Variants in TRAF3IP1 observed in about 807,000 individuals in gnomAD.
TRAF3IP1 encodes TRAF3-interacting protein 1.
In TRAF3IP1, 53 loss-of-function variants were observed where a neutral mutation model predicts 89.9. The observed-to-expected ratio is 0.59, with a 90% confidence interval of 0.47 to 0.74. TRAF3IP1 has a LOEUF of 0.74. Ranked by LOEUF, TRAF3IP1 falls within the 30% of genes least tolerant of loss-of-function variation. TRAF3IP1 has a pLI of 0.00. For synonymous variants in TRAF3IP1, 311 were observed against 322.1 expected (o/e 0.97, Z 0.37); for missense variants, 806 against 866.1 (o/e 0.93, Z 0.87).
rs1332606241 is a variant in TRAF3IP1, at chr2:238,352,704, T to C, written c.1452-123T>C. On this transcript the variant is annotated intron_variant, in intron 12 of 16. Transcript: ENST00000373327. Reference sequence around the variant, plus strand: ...CTTAGCTTCAGCGGGTAGCTTGAGATGCTGTTCTAGCTAGAGATGGTTGGT... The same window carrying C: ...CTTAGCTTCAGCGGGTAGCTTGAGACGCTGTTCTAGCTAGAGATGGTTGGT... 5.2e-6 allele frequency: 5 copies of C among 956,344 alleles called. 1 individual carries two copies. In the South Asian group the frequency reaches 5.4e-5, roughly 10 times the overall value. The allele number at this position is 956,344 out of a possible 1,614,324, so 59.2% of individuals were successfully genotyped here.
At chr2:238,357,087 T>C (rs1699449532) in intron 15 of TRAF3IP1, among the ~76,000 whole-genome samples, 1 of 152,148 alleles carries the variant, frequency 6.6e-6, no homozygotes, top group African/African-American at 2.4e-5. Context: ...CGGGAATGTT[T>C]TTAAGTCTTT....
chr2:238,397,317 T>G, intron 15 of TRAF3IP1, 142 bp from the exon 16 acceptor site: 1 of 674,086 alleles, frequency 1.5e-6, no homozygotes, highest in East Asian at 2.6e-5. Flanking sequence ...TCCCTTTGCA[T>G]GGGAGTGAGT....
intron 8 of TRAF3IP1, among the ~76,000 whole-genome samples, chr2:238,342,785 T>C (rs1251864855): frequency 6.6e-6 from 1 of 152,216 alleles, no homozygotes; most frequent in Non-Finnish European, 1.5e-5. Flanking sequence ...TTTAAGTCAG[T>C]ATCATTTTCA....
chr2:238,333,982 C>G lies in TRAF3IP1; in HGVS notation c.1010C>G (p.Ser337Cys). The G allele has an allele frequency of 6.2e-7, 1 of 1,609,996 alleles. No individual in the cohort carries two copies. Among genetic ancestry groups the G allele is most frequent in the African/African-American group, 1.3e-5 (1 of 74,948 alleles). The change falls in exon 7 of 17, where the codon TCC (serine) becomes TGC (cysteine). Residue 337 changes from serine to cysteine, a missense_variant. By Grantham distance (112) the Ser-to-Cys change is moderately radical. This residue lies in a region of TRAF3IP1 where 732 missense variants were observed against 780.5 expected (regional missense o/e 0.94). Coordinates refer to ENST00000373327, the MANE Select transcript of TRAF3IP1 (RefSeq NM_015650.4). ...ETETEISTRA[S>C]KSLTTKTSKR... ...AAGACTGAGATTTCCACTAGAGCTT[C>G]CAAGTCATTGACAACAAAAACATCA...
chr2:238,326,108 TC>T, intron 3 of TRAF3IP1, 138 bp downstream of exon 3: 1 of 752,742 alleles, frequency 1.3e-6, no homozygotes, highest in Non-Finnish European at 2.1e-6. Context: ...TTGAATCTGA[TC>T]CCACCCCTTC....
chr2:238,328,995 G>A lies in TRAF3IP1; in HGVS notation c.568G>A (p.Glu190Lys). ...TCGAAAACAGAAGGAAGAATTGAAA[G>A]AAGACCGCAAGCCAAGAGAAAAGGA... The part of the protein sequence containing the change: ...RDRKQKEELK[E>K]DRKPREKDKD... Residue 190 changes from glutamate to lysine, a missense_variant, in exon 5 of 17, where the codon GAA becomes AAA. Transcript: ENST00000373327. The A allele has an allele frequency of 6.4e-7, 1 of 1,551,696 alleles. No homozygotes were observed. The highest frequency in any genetic ancestry group is 8.7e-7 in the Non-Finnish European group (1 of 1,147,290).
intron 15 of TRAF3IP1, among the ~76,000 whole-genome samples, chr2:238,386,543 C>T (rs1358185613): frequency 1.3e-5 from 2 of 152,110 alleles, no homozygotes; most frequent in Non-Finnish European, 2.9e-5. Context: ...GAACTCCTGA[C>T]CTCAGGTGAT....
At chr2:238,393,038 A>G (rs1478060708) in intron 15 of TRAF3IP1, among the ~76,000 whole-genome samples, 3 of 152,216 alleles carry the variant, frequency 2.0e-5, no homozygotes, top group Non-Finnish European at 2.9e-5. Flanking sequence ...ATAAACATGA[A>G]TTTTCATTTG....
At chr2:238,329,734 C>G (rs540757339) in intron 5 of TRAF3IP1, among the ~76,000 whole-genome samples, 1 of 152,274 alleles carries the variant, frequency 6.6e-6, no homozygotes, top group South Asian at 2.1e-4. Flanking sequence ...CACATAGCAG[C>G]TTTGCAGTAA....
At chr2:238,331,766 G>A (rs1198844338) in intron 5 of TRAF3IP1, among the ~76,000 whole-genome samples, 2 of 152,170 alleles carry the variant, frequency 1.3e-5, no homozygotes, top group Non-Finnish European at 2.9e-5. Flanking sequence ...GCAGGTGTGA[G>A]CTGCTGTGAG....
In TRAF3IP1 at chr2:238,397,479, G is replaced by A. The variant is rs532299269; in HGVS notation, c.1710G>A (p.Ser570=). 15 of 1,612,852 alleles carry A rather than the reference G, an allele frequency of 9.3e-6. No homozygotes were observed. Among genetic ancestry groups the A allele is most frequent in the East Asian group, 2.2e-5 (1 of 44,878 alleles). The change falls in exon 16 of 17, where the codon TCG becomes TCA. Residue 570 remains serine, a synonymous_variant. Coordinates refer to ENST00000373327, the MANE Select transcript of TRAF3IP1 (RefSeq NM_015650.4). ...TGTAGGAGCGATCTCTCTTTGAGTCGGCATGGAAGAAGGAGAAGGACATCG... is the reference window on the plus strand; with the variant it reads ...TGTAGGAGCGATCTCTCTTTGAGTCAGCATGGAAGAAGGAGAAGGACATCG... ...PGEKERSLFE[S]AWKKEKDIVS... is the part of the protein sequence containing the mutation.
At chr2:238,385,087 C>T (rs1311870257) in intron 15 of TRAF3IP1, among the ~76,000 whole-genome samples, 1 of 152,022 alleles carries the variant, frequency 6.6e-6, no homozygotes, top group Non-Finnish European at 1.5e-5. Flanking sequence ...GCGATCTCGG[C>T]TCACTGCAAT....
intron 15 of TRAF3IP1, among the ~76,000 whole-genome samples, chr2:238,377,230 CTT>C (rs71402784): frequency 4.4e-4 from 38 of 86,700 alleles, no homozygotes; most frequent in African/African-American, 1.7e-3. Context: ...TCCTGATTTT[CTT>C]TTTTTTTTTT....
rs974916934 is a variant in TRAF3IP1, at chr2:238,354,173, A to C, written c.1612+964A>C. Among the ~76,000 whole-genome samples the C allele has an allele frequency of 9.2e-5, 14 of 152,230 alleles. No homozygotes were observed. In the South Asian group the frequency reaches 2.7e-3, roughly 29 times the overall value. On this transcript the variant is annotated intron_variant, in intron 14 of 16. Transcript: ENST00000373327. ...GCCCAGTATTTGACCAGGGGAGCCT[A>C]TTGGAGTTATTTTCTGGGGGCCTTT...
chr2:238,330,374 A>G (rs1024421074), intron 5 of TRAF3IP1, among the ~76,000 whole-genome samples: 3 of 152,246 alleles, frequency 2.0e-5, no homozygotes, highest in Non-Finnish European at 4.4e-5. Flanking sequence ...TGGACCCACC[A>G]TGTGTGTTGG....
chr2:238,362,084 G>A (rs1267262774), intron 15 of TRAF3IP1, among the ~76,000 whole-genome samples: 1 of 152,050 alleles, frequency 6.6e-6, no homozygotes, highest in African/African-American at 2.4e-5. Flanking sequence ...TTTTGATGCT[G>A]TTGGCCACTC....
intron 1 of TRAF3IP1, among the ~76,000 whole-genome samples, chr2:238,321,377 C>T (rs1697536284): frequency 6.6e-6 from 1 of 152,224 alleles, no homozygotes; most frequent in South Asian, 2.1e-4. Context: ...TTTTATACAA[C>T]CCTTCTGCCC....
chr2:238,323,299 G>A (rs368187532), intron 1 of TRAF3IP1, among the ~76,000 whole-genome samples: 4 of 152,112 alleles, frequency 2.6e-5, no homozygotes, highest in African/African-American at 4.8e-5. Flanking sequence ...GCCTGATCTC[G>A]AACTCCTGAC....
At chr2:238,348,968 T>TA (rs1699023577) in intron 11 of TRAF3IP1, 120 bp downstream of exon 11, 3 of 824,172 alleles carry the variant, frequency 3.6e-6, no homozygotes, top group Non-Finnish European at 6.0e-6. Context: ...AGGAATTACT[T>TA]ATACAAAGAA....
Sources: gnomAD v4.1 joint callset for allele counts (sites outside exome capture counted in the v4.1 genomes callset) on GRCh38, gnomAD v4.1.1 for gene constraint, gnomAD v4.1.1 regional missense constraint, MANE v1.5 for transcripts, NCBI Gene and HGNC (gene_info 2026-07-23, HGNC 2026-07-21) for gene names.